FSHR: variants seen among roughly 807,000 people sequenced by gnomAD.
FSHR encodes the protein follicle stimulating hormone receptor.
FSHR carries 46 observed loss-of-function variants against 52.1 expected under a neutral mutation model. The observed-to-expected ratio is 0.88, with a 90% CI of 0.70 to 1.13. The LOEUF is 1.13. FSHR is among the 50% of genes most tolerant of loss of function. FSHR has a pLI of 0.00. For synonymous variants in FSHR, 399 were observed against 309.6 expected (o/e 1.29, Z -3.03); for missense variants, 964 against 834.6 (o/e 1.16, Z -1.91).
intron 4 of FSHR, among the ~76,000 whole-genome samples, chr2:49,000,872 G>A (rs776393298): frequency 7.2e-5 from 11 of 152,190 alleles, no homozygotes; most frequent in South Asian, 2.1e-4. Flanking sequence ...CCAGAACACT[G>A]CTAACTGAAA....
chr2:49,033,707 T>C (rs1382222643), intron 2 of FSHR, among the ~76,000 whole-genome samples: 1 of 152,068 alleles, frequency 6.6e-6, no homozygotes, highest in African/African-American at 2.4e-5. Context: ...CTGTTCCCTA[T>C]ACTAGTCTCT....
intron 6 of FSHR, among the ~76,000 whole-genome samples, chr2:48,986,095 A>G (rs567033534): frequency 1.6e-4 from 25 of 152,310 alleles, no homozygotes; most frequent in Non-Finnish European, 3.5e-4. Context: ...GGTAATAACC[A>G]TAGTACCCAA....
intron 2 of FSHR, among the ~76,000 whole-genome samples, chr2:49,030,891 T>C (rs1043909310): frequency 6.6e-6 from 1 of 152,232 alleles, no homozygotes; most frequent in Admixed American, 6.5e-5. Context: ...TGAAGGGACC[T>C]GCAAGGTCAG....
intron 1 of FSHR, among the ~76,000 whole-genome samples, chr2:49,076,571 A>G (rs1344189139): frequency 6.6e-6 from 1 of 152,106 alleles, no homozygotes; most frequent in African/African-American, 2.4e-5. Context: ...TCATGTCCTT[A>G]CATTTGAAAA....
At chr2:49,136,142 T>C (rs560897558) in intron 1 of FSHR, among the ~76,000 whole-genome samples, 24 of 152,140 alleles carry the variant, frequency 1.6e-4, no homozygotes, top group South Asian at 1.5e-3. Flanking sequence ...GAAGAAAAGA[T>C]AGTAGACTCA....
intron 2 of FSHR, among the ~76,000 whole-genome samples, chr2:49,062,590 T>A (rs1669355339): frequency 6.6e-6 from 1 of 151,902 alleles, no homozygotes; most frequent in Non-Finnish European, 1.5e-5. Flanking sequence ...TTAAAAAGCA[T>A]CTGTAGAGCA....
chr2:49,081,525 C>T (rs1504173), intron 1 of FSHR, among the ~76,000 whole-genome samples: 73,891 of 151,892 alleles, frequency 0.49, 18,675 homozygotes, highest in East Asian at 0.76. Context: ...TATTAACTCA[C>T]TATTAATTCA....
intron 4 of FSHR, among the ~76,000 whole-genome samples, chr2:48,992,280 A>G (rs200312098): frequency 2.0e-5 from 3 of 152,194 alleles, no homozygotes; most frequent in African/African-American, 4.8e-5. Flanking sequence ...CAATACAGAC[A>G]TAGAACAGTG....
chr2:49,046,483 T>A (rs1668659358), intron 2 of FSHR, among the ~76,000 whole-genome samples: 1 of 152,208 alleles, frequency 6.6e-6, no homozygotes, highest in Non-Finnish European at 1.5e-5. Context: ...ACGTTCTCAC[T>A]ATAAAATTAG....
chr2:49,125,374 G>A (rs1242351536), intron 1 of FSHR, among the ~76,000 whole-genome samples: 1 of 152,184 alleles, frequency 6.6e-6, no homozygotes, highest in Non-Finnish European at 1.5e-5. Context: ...ACAAGTTTGT[G>A]TTGGGCTGCA....
intron 8 of FSHR, among the ~76,000 whole-genome samples, chr2:48,977,644 G>A (rs982513140): frequency 2.0e-5 from 3 of 152,186 alleles, no homozygotes; most frequent in African/African-American, 7.2e-5. Context: ...GAAAATTTCT[G>A]CAGTGCTCAT....
intron 4 of FSHR, among the ~76,000 whole-genome samples, chr2:49,006,505 G>A (rs531122815): frequency 6.6e-6 from 1 of 151,954 alleles, no homozygotes; most frequent in East Asian, 1.9e-4. Flanking sequence ...CATTTCCGTG[G>A]TTATTTCATT....
intron 6 of FSHR, among the ~76,000 whole-genome samples, chr2:48,983,555 G>A (rs1045154641): frequency 6.6e-6 from 1 of 152,166 alleles, no homozygotes; most frequent in Non-Finnish European, 1.5e-5. Flanking sequence ...TTGAACAAGT[G>A]TTTATAAGAC....
chr2:49,091,754 A>C (rs1403495837), intron 1 of FSHR, among the ~76,000 whole-genome samples: 1 of 152,162 alleles, frequency 6.6e-6, no homozygotes, highest in Non-Finnish European at 1.5e-5. Context: ...CTTTTTGCCA[A>C]TGTTATGTTT....
At chr2:49,075,152 T>A (rs886821109) in intron 1 of FSHR, among the ~76,000 whole-genome samples, 2 of 152,072 alleles carry the variant, frequency 1.3e-5, no homozygotes, top group Non-Finnish European at 2.9e-5. Context: ...TAGTTAACAA[T>A]AATATATAGT....
chr2:48,981,815 G>C (rs1214696244), intron 8 of FSHR, among the ~76,000 whole-genome samples: 2 of 152,150 alleles, frequency 1.3e-5, no homozygotes, highest in African/African-American at 2.4e-5. Flanking sequence ...ATAGATGGTT[G>C]GTCGGTAGGT....
chr2:48,970,936 C>T (rs539118557), intron 8 of FSHR, among the ~76,000 whole-genome samples: 2 of 152,168 alleles, frequency 1.3e-5, no homozygotes, highest in African/African-American at 2.4e-5. Flanking sequence ...TACTTCCCTC[C>T]TCTCCTGTGA....
intron 1 of FSHR, among the ~76,000 whole-genome samples, chr2:49,071,138 G>A (rs1325678432): frequency 6.6e-6 from 1 of 152,108 alleles, no homozygotes; most frequent in Non-Finnish European, 1.5e-5. Context: ...AGAATATGGA[G>A]AACTGGCAAT....
intron 1 of FSHR, among the ~76,000 whole-genome samples, chr2:49,096,738 T>C (rs1024064639): frequency 7.2e-5 from 11 of 152,192 alleles, no homozygotes; most frequent in African/African-American, 2.7e-4. Context: ...TAATCCCCAG[T>C]ATTGGAGATG....
Sources: allele counts gnomAD v4.1 joint callset (sites outside exome capture counted in the v4.1 genomes callset), GRCh38; gene constraint gnomAD v4.1.1; transcripts MANE v1.5; gene names NCBI Gene and HGNC (gene_info 2026-07-23, HGNC 2026-07-21).